The following DOCK7 variants were observed in gnomAD, a reference collection of about 807,000 sequenced individuals.
DOCK7 encodes the protein dedicator of cytokinesis 7.
Under a neutral mutation model 271.0 loss-of-function variants are expected in DOCK7, and 138 were observed. The observed-to-expected ratio is 0.51, with a 90% CI of 0.44 to 0.59. DOCK7 has a LOEUF of 0.59. DOCK7 is among the 20% of genes least tolerant of loss of function. The pLI is 0.00. For missense variants in DOCK7, 2,066 were observed against 2,592.4 expected, an observed-to-expected ratio of 0.80 and a Z score of 4.41; for synonymous variants, 823 against 876.1, an observed-to-expected ratio of 0.94 and a Z score of 1.07.
At chr1:62,457,224 A>AC (rs1330100813) in intron 49 of DOCK7, among the ~76,000 whole-genome samples, 2 of 152,190 alleles carry the variant, frequency 1.3e-5, no homozygotes, top group African/African-American at 4.8e-5. Flanking sequence ...CAAGTTATTT[A>AC]CCTTGTAGAA....
chr1:62,485,441 A>G (rs1177506515), intron 43 of DOCK7: 2 of 985,290 alleles, frequency 2.0e-6, no homozygotes, highest in Non-Finnish European at 2.4e-6. Context: ...TGTGACTAAT[A>G]TATAAGCCCA....
intron 20 of DOCK7, among the ~76,000 whole-genome samples, chr1:62,556,661 A>G (rs141439544): frequency 5.8e-4 from 89 of 152,340 alleles, no homozygotes; most frequent in African/African-American, 2.0e-3. Flanking sequence ...ATTGTGATAA[A>G]TTGCACACTG....
chr1:62,529,246 C>T, intron 30 of DOCK7, 31 bp downstream of exon 30: 1 of 1,531,550 alleles, frequency 6.5e-7, no homozygotes, highest in Non-Finnish European at 8.8e-7. Flanking sequence ...TGAGCTTTGC[C>T]TTTAATATTT....
chr1:62,513,418 C>T lies in DOCK7; in HGVS notation c.4282+26G>A, dbSNP rs373316319. On this transcript the variant is annotated intron_variant, in intron 33 of 49. Coordinates refer to ENST00000635253, the MANE Select transcript of DOCK7 (RefSeq NM_001367561.1). ...CAACAATGATCATTACAATATACAA[C>T]TCAAGGAAATTGAAGAAATTCTCAC... is the stretch of plus-strand genomic sequence containing the variant. The T allele has an allele frequency of 1.1e-5, 18 of 1,575,800 alleles. No individual in the cohort carries two copies. In the South Asian group the frequency reaches 2.0e-4, roughly 18 times the overall value.
At chr1:62,499,071 G>C (rs1437546278) in intron 37 of DOCK7, among the ~76,000 whole-genome samples, 1 of 152,120 alleles carries the variant, frequency 6.6e-6, no homozygotes, top group African/African-American at 2.4e-5. Context: ...CAAAGTGCTG[G>C]GATTACAGGC....
chr1:62,527,557 C>T (rs2149368737), intron 31 of DOCK7, among the ~76,000 whole-genome samples: 2 of 152,140 alleles, frequency 1.3e-5, no homozygotes, highest in African/African-American at 4.8e-5. Flanking sequence ...AGTTCATGTC[C>T]TTTGTAGGGA....
chr1:62,638,426 C>G (rs1264534056), intron 7 of DOCK7: 1 of 151,382 alleles, frequency 6.6e-6, no homozygotes. Context: ...GGAAACTTTA[C>G]CATTTTGTCC....
chr1:62,636,146 G>A (rs978339620), intron 8 of DOCK7, among the ~76,000 whole-genome samples: 1 of 152,120 alleles, frequency 6.6e-6, no homozygotes, highest in African/African-American at 2.4e-5. Context: ...CAGCTACTCG[G>A]GAGGCTGAGA....
At chr1:62,669,623 C>G (rs1659702998) in intron 1 of DOCK7, among the ~76,000 whole-genome samples, 1 of 152,270 alleles carries the variant, frequency 6.6e-6, no homozygotes, top group African/African-American at 2.4e-5. Context: ...ACCAAAGTCA[C>G]AGCACCTATC....
chr1:62,475,519 T>C (rs1439824029), intron 46 of DOCK7, 168 bp from the exon 47 acceptor site: 25 of 1,129,356 alleles, frequency 2.2e-5, no homozygotes, highest in Non-Finnish European at 3.0e-5. Context: ...ATCAACCTTT[T>C]AAAGAAAAAG....
At chr1:62,669,511 T>C (rs567410911) in intron 1 of DOCK7, among the ~76,000 whole-genome samples, 4 of 152,368 alleles carry the variant, frequency 2.6e-5, no homozygotes, top group Non-Finnish European at 5.9e-5. Context: ...GTCTCTTACT[T>C]GGTATAAATG....
At chr1:62,670,007 C>T (rs1222330752) in intron 1 of DOCK7, among the ~76,000 whole-genome samples, 3 of 152,244 alleles carry the variant, frequency 2.0e-5, no homozygotes, top group African/African-American at 2.4e-5. Flanking sequence ...CTGCTGGCCC[C>T]GGGCAATGGG....
intron 1 of DOCK7, among the ~76,000 whole-genome samples, chr1:62,679,768 G>A (rs11208004): frequency 0.33 from 50,115 of 151,960 alleles, 8,440 homozygotes; most frequent in South Asian, 0.42. Flanking sequence ...TGCCATCTAT[G>A]AGTGAACTCC....
intron 33 of DOCK7, 138 bp downstream of exon 33, chr1:62,513,306 T>C (rs1393811613): frequency 1.6e-6 from 1 of 634,824 alleles, no homozygotes; most frequent in South Asian, 5.3e-5. Flanking sequence ...CTAACTTTTA[T>C]TACTGCAGAG....
In DOCK7 at chr1:62,455,120, C is replaced by T. The variant is rs1645310131; in HGVS notation, c.*294G>A. The T allele has an allele frequency of 1.9e-6, 1 of 526,914 alleles. No homozygotes were observed. Among genetic ancestry groups the T allele is most frequent in the East Asian group, 3.1e-5 (1 of 32,478 alleles). 32.6% of individuals were successfully genotyped at this position (526,914 alleles called of 1,614,324 possible). A position where few individuals can be genotyped will look rare whatever the true frequency, so the allele number is the denominator to read the frequency against. ...GGTAATATAAATTAAAAAATACGAACTTAAAGTGAATAAATTTTTAACCTT... is the reference window on the plus strand; with the variant it reads ...GGTAATATAAATTAAAAAATACGAATTTAAAGTGAATAAATTTTTAACCTT... On this transcript the variant is annotated 3_prime_UTR_variant, in exon 50 of 50. Transcript: ENST00000635253.
At chr1:62,525,425 A>T (rs1159568631) in intron 31 of DOCK7, among the ~76,000 whole-genome samples, 1 of 152,230 alleles carries the variant, frequency 6.6e-6, no homozygotes, top group Non-Finnish European at 1.5e-5. Flanking sequence ...ATGGCAGCCA[A>T]CATCCTTGTT....
At chr1:62,538,699 CAATA>C (rs1645429118) in intron 27 of DOCK7, among the ~76,000 whole-genome samples, 1 of 152,092 alleles carries the variant, frequency 6.6e-6, no homozygotes, top group Non-Finnish European at 1.5e-5. Flanking sequence ...AAGAAATAAA[CAATA>C]AAGGCATCCA....
At chr1:62,551,883 A>ATATG (rs1230136470) in intron 22 of DOCK7, among the ~76,000 whole-genome samples, 1 of 151,660 alleles carries the variant, frequency 6.6e-6, no homozygotes, top group Non-Finnish European at 1.5e-5. Flanking sequence ...ATATATATAT[A>ATATG]GGCCTCTTTG....
In DOCK7 at chr1:62,619,951, C is replaced by G. The variant is rs1652938734; in HGVS notation, c.1468G>C (p.Ala490Pro). Residue 490 changes from alanine (A) to proline (P), a missense_variant, in exon 13 of 50, where the codon GCT (alanine) becomes CCT (proline). Ala to Pro is a conservative substitution (Grantham distance 27). Coordinates refer to ENST00000635253, the MANE Select transcript of DOCK7 (RefSeq NM_001367561.1). The part of the protein sequence containing the change: ...LSDEDLYKFL[A>P]DMRRPSSVLR... ...ACAGAAGATGGCCTTCTCATATCAGCAAGGAATTTGTAGAGATCTTCATCA... is the reference window on the plus strand; with the variant it reads ...ACAGAAGATGGCCTTCTCATATCAGGAAGGAATTTGTAGAGATCTTCATCA... 1 of 1,613,574 alleles carries G rather than the reference C, an allele frequency of 6.2e-7. No homozygotes were observed. The highest frequency in any genetic ancestry group is 1.3e-5 in the African/African-American group (1 of 74,868).
Sources: allele counts gnomAD v4.1 joint callset (sites outside exome capture counted in the v4.1 genomes callset), GRCh38; gene constraint gnomAD v4.1.1; transcripts MANE v1.5; gene names NCBI Gene and HGNC (gene_info 2026-07-23, HGNC 2026-07-21).